KCNK2: variants seen among roughly 807,000 people sequenced by gnomAD.
The protein encoded by KCNK2 is potassium two pore domain channel subfamily K member 2.
Under a neutral mutation model 40.5 loss-of-function variants are expected in KCNK2, and 21 were observed. The ratio of observed to expected loss-of-function variants is 0.52; its 90% CI spans 0.37 to 0.75. The LOEUF (loss-of-function observed/expected upper bound fraction) is 0.75. Among genes scored for constraint, KCNK2 ranks in the 30% least tolerant of loss-of-function variants. The pLI, the probability that KCNK2 is intolerant of heterozygous loss-of-function variation, is 0.00. For missense variants in KCNK2, 399 were observed against 531.6 expected (o/e 0.75, Z 2.45); for synonymous variants, 191 against 202.2 (o/e 0.94, Z 0.47).
intron 5 of KCNK2, among the ~76,000 whole-genome samples, chr1:215,193,224 T>C (rs907020766): frequency 6.6e-6 from 1 of 152,196 alleles, no homozygotes; most frequent in African/African-American, 2.4e-5. Context: ...CAGTATTTTA[T>C]ACTTGATCTT....
intron 5 of KCNK2, among the ~76,000 whole-genome samples, chr1:215,188,820 G>A (rs868441443): frequency 4.6e-5 from 7 of 152,316 alleles, no homozygotes; most frequent in South Asian, 2.1e-4. Flanking sequence ...CAATGGCTCA[G>A]AAAAATTGCT....
intron 3 of KCNK2, among the ~76,000 whole-genome samples, chr1:215,158,720 A>G (rs974707674): frequency 5.3e-5 from 8 of 152,188 alleles, no homozygotes; most frequent in African/African-American, 1.4e-4. Flanking sequence ...TTATGCAAAA[A>G]CAAACAAACA....
At chr1:215,157,344 C>G (rs1347126074) in intron 3 of KCNK2, among the ~76,000 whole-genome samples, 1 of 152,132 alleles carries the variant, frequency 6.6e-6, no homozygotes, top group Non-Finnish European at 1.5e-5. Flanking sequence ...TTAGAGCCCC[C>G]CAAACAGCTG....
intron 1 of KCNK2, among the ~76,000 whole-genome samples, chr1:215,043,484 G>A (rs950574794): frequency 2.6e-5 from 4 of 152,170 alleles, no homozygotes; most frequent in Admixed American, 6.5e-5. Context: ...AGGAAATTCT[G>A]ACACATACTA....
intron 2 of KCNK2, among the ~76,000 whole-genome samples, chr1:215,106,275 T>C (rs974849471): frequency 1.3e-5 from 2 of 152,098 alleles, no homozygotes; most frequent in Admixed American, 6.6e-5. Context: ...TTTTTGATAA[T>C]AACCATCTGA....
At chr1:215,066,322 C>A (rs1301501266) in intron 1 of KCNK2, among the ~76,000 whole-genome samples, 1 of 151,952 alleles carries the variant, frequency 6.6e-6, no homozygotes, top group Non-Finnish European at 1.5e-5. Context: ...AATAAGTGCA[C>A]AAAATAATTG....
intron 1 of KCNK2, among the ~76,000 whole-genome samples, chr1:215,054,856 AT>A (rs1227698481): frequency 4.6e-5 from 7 of 152,164 alleles, no homozygotes; most frequent in Admixed American, 3.9e-4. Flanking sequence ...TTTCTAATGT[AT>A]TCTTCCCACA....
chr1:215,124,564 T>G (rs1661334098), intron 2 of KCNK2, 69 bp from the exon 3 acceptor site: 1 of 872,386 alleles, frequency 1.1e-6, no homozygotes, highest in Admixed American at 1.8e-5. Flanking sequence ...ATTTCTGGGG[T>G]GGAATATATG....
intron 2 of KCNK2, among the ~76,000 whole-genome samples, chr1:215,119,111 T>C (rs12061916): frequency 0.57 from 86,383 of 152,034 alleles, 26,482 homozygotes; most frequent in Non-Finnish European, 0.68. Flanking sequence ...AAATTCCCTA[T>C]ATCTTCTTCT....
intron 4 of KCNK2, among the ~76,000 whole-genome samples, chr1:215,170,271 G>GA (rs1457432370): frequency 1.3e-5 from 2 of 152,166 alleles, no homozygotes; most frequent in African/African-American, 4.8e-5. Context: ...TAATTTAGTA[G>GA]AACCAAAGGT....
intron 6 of KCNK2, among the ~76,000 whole-genome samples, chr1:215,229,135 TTCTAATGTGGCCCAGGGAAG>T (rs1390673006): frequency 2.0e-5 from 3 of 152,156 alleles, no homozygotes; most frequent in Admixed American, 6.5e-5. Flanking sequence ...ATTCTTTTTT[TTCTAATGTGGCCCAGGGAAG>T]TCAAAGGATT....
intron 6 of KCNK2, among the ~76,000 whole-genome samples, chr1:215,213,915 T>C (rs1289003577): frequency 6.6e-6 from 1 of 152,190 alleles, no homozygotes; most frequent in African/African-American, 2.4e-5. Context: ...TTATATTTAA[T>C]AAATATTCTA....
intron 2 of KCNK2, among the ~76,000 whole-genome samples, chr1:215,105,365 G>T (rs892210502): frequency 1.2e-4 from 19 of 152,164 alleles, no homozygotes; most frequent in African/African-American, 3.9e-4. Flanking sequence ...ACTTAGCGTA[G>T]TATTATCAAG....
At chr1:215,230,513 A>ATATATATATATATATATATATATATG in intron 6 of KCNK2, among the ~76,000 whole-genome samples, 2 of 28,414 alleles carry the variant, frequency 7.0e-5, no homozygotes, top group South Asian at 3.0e-3. Flanking sequence ...GGCTGTATAT[A>ATATATATATATATATATATATATATG]TATATATATA....
upstream of KCNK2, among the ~76,000 whole-genome samples, chr1:215,078,310 G>A (rs1187315229): frequency 2.0e-5 from 3 of 152,164 alleles, no homozygotes; most frequent in African/African-American, 4.8e-5. Flanking sequence ...TTGATCAAAC[G>A]CAGGAGATAA....
At chr1:215,037,934 G>T (rs1657441945) in intron 1 of KCNK2, among the ~76,000 whole-genome samples, 1 of 151,400 alleles carries the variant, frequency 6.6e-6, no homozygotes, top group Non-Finnish European at 1.5e-5. Context: ...TATCCTTTAG[G>T]ATATACCTAA....
At chr1:215,165,660 T>C (rs1292252580) in intron 3 of KCNK2, among the ~76,000 whole-genome samples, 2 of 152,158 alleles carry the variant, frequency 1.3e-5, no homozygotes, top group Non-Finnish European at 2.9e-5. Context: ...CAATGAAGTA[T>C]GTAGTAACAA....
chr1:215,154,203 G>A (rs1282552326), intron 3 of KCNK2, among the ~76,000 whole-genome samples: 9 of 152,068 alleles, frequency 5.9e-5, no homozygotes, highest in Admixed American at 2.6e-4. Context: ...CTAATTTACC[G>A]TCTCACCAAC....
chr1:215,150,738 A>G (rs547315586), intron 3 of KCNK2, among the ~76,000 whole-genome samples: 9 of 151,994 alleles, frequency 5.9e-5, no homozygotes, highest in Non-Finnish European at 1.3e-4. Context: ...GCTTTTCTTT[A>G]TTCATCTTCC....
Sources: gnomAD v4.1 joint callset for allele counts (sites outside exome capture counted in the v4.1 genomes callset) on GRCh38, gnomAD v4.1.1 for gene constraint, MANE v1.5 for transcripts, NCBI Gene and HGNC (gene_info 2026-07-23, HGNC 2026-07-21) for gene names.